IQCM: variants seen among roughly 807,000 people sequenced by gnomAD.
The protein encoded by IQCM is IQ motif containing M.
A neutral mutation model predicts 57.6 loss-of-function variants in IQCM; 45 were observed. The observed-to-expected ratio is 0.78, with a 90% CI of 0.62 to 1.00. The LOEUF (loss-of-function observed/expected upper bound fraction) is 1.00, where lower values mean the gene tolerates loss of function less well. IQCM is among the 50% of genes least tolerant of loss of function. The probability of loss-of-function intolerance (pLI) is 0.00; values close to 1 mark genes in which losing one functional copy is unlikely to be tolerated. For missense variants in IQCM, 468 were observed against 511.6 expected, an observed-to-expected ratio of 0.91 and a Z score of 0.82; for synonymous variants, 148 against 158.9, an observed-to-expected ratio of 0.93 and a Z score of 0.51.
chr4:149,427,949 G>A (rs958853131), intron 13 of IQCM, among the ~76,000 whole-genome samples: 10 of 151,704 alleles, frequency 6.6e-5, no homozygotes, highest in African/African-American at 1.9e-4. Flanking sequence ...TATTCATCTC[G>A]AGCAAGCAGA....
chr4:149,540,760 A>G (rs1032301888), intron 12 of IQCM, among the ~76,000 whole-genome samples: 10 of 152,134 alleles, frequency 6.6e-5, no homozygotes, highest in African/African-American at 2.4e-4. Context: ...TAAGATCCTT[A>G]TAAGAACTGA....
intron 13 of IQCM, among the ~76,000 whole-genome samples, chr4:149,380,021 C>G (rs1339600629): frequency 6.6e-6 from 1 of 152,146 alleles, no homozygotes; most frequent in South Asian, 2.1e-4. Flanking sequence ...GGTTTTCATT[C>G]TCTTCTCTTG....
At chr4:149,639,342 C>G (rs1757988438) in intron 7 of IQCM, among the ~76,000 whole-genome samples, 2 of 150,956 alleles carry the variant, frequency 1.3e-5, no homozygotes, top group Admixed American at 6.6e-5. Flanking sequence ...GGGAGGATTA[C>G]TTGAGCCCGG....
chr4:149,572,198 C>T (rs1435505345), intron 9 of IQCM, among the ~76,000 whole-genome samples: 2 of 152,000 alleles, frequency 1.3e-5, no homozygotes, highest in African/African-American at 4.8e-5. Context: ...GGACTGGCTT[C>T]CTTCACATTA....
intron 7 of IQCM, among the ~76,000 whole-genome samples, chr4:149,639,025 G>C (rs1757958750): frequency 6.6e-6 from 1 of 152,226 alleles, no homozygotes; most frequent in South Asian, 2.1e-4. Flanking sequence ...GGTAAATTGA[G>C]AAGGAGCCAA....
At chr4:149,510,612 C>T (rs1744306045) in intron 12 of IQCM, among the ~76,000 whole-genome samples, 2 of 152,146 alleles carry the variant, frequency 1.3e-5, no homozygotes, top group African/African-American at 4.8e-5. Context: ...ATACAGGATG[C>T]CATATTATAT....
intron 13 of IQCM, among the ~76,000 whole-genome samples, chr4:149,400,876 T>C (rs923271132): frequency 3.3e-5 from 5 of 152,046 alleles, no homozygotes; most frequent in African/African-American, 1.2e-4. Context: ...TAAAGCTGTA[T>C]AGACTAATTC....
At chr4:149,682,842 G>C (rs1762279399) in intron 6 of IQCM, among the ~76,000 whole-genome samples, 1 of 151,060 alleles carries the variant, frequency 6.6e-6, no homozygotes, top group South Asian at 2.1e-4. Context: ...TAGGGGTTCA[G>C]CAGTATACAG....
chr4:149,596,673 C>T (rs1753810093), intron 8 of IQCM, among the ~76,000 whole-genome samples: 1 of 152,052 alleles, frequency 6.6e-6, no homozygotes. Flanking sequence ...AGATAAAATT[C>T]CTAGAAGTTT....
chr4:149,644,169 T>G (rs1159414701), intron 7 of IQCM, among the ~76,000 whole-genome samples: 1 of 152,186 alleles, frequency 6.6e-6, no homozygotes, highest in Non-Finnish European at 1.5e-5. Flanking sequence ...AAATTAGGTT[T>G]TTTTAAAATC....
intron 3 of IQCM, among the ~76,000 whole-genome samples, chr4:149,741,074 GAGTT>G (rs1767412663): frequency 6.6e-6 from 1 of 152,028 alleles, no homozygotes; most frequent in African/African-American, 2.4e-5. Flanking sequence ...TTCCTAAAAA[GAGTT>G]AAAGAACCAA....
chr4:149,621,250 A>G lies in IQCM; in HGVS notation c.566-6T>C. ...CCAGTCATAGAATGCTTTGTCTGTTAGAAATATCAATGCAGGTTAAAACAA... is the reference window on the plus strand; with the variant it reads ...CCAGTCATAGAATGCTTTGTCTGTTGGAAATATCAATGCAGGTTAAAACAA... On this transcript the variant is annotated splice_region_variant and splice_polypyrimidine_tract_variant and intron_variant, in intron 7 of 13. Transcript: ENST00000636793. 8.4e-7 allele frequency: 1 copy of G among 1,195,100 alleles called. No individual in the cohort carries two copies. The highest frequency in any genetic ancestry group is 4.2e-5 in the South Asian group (1 of 23,586). The allele number at this position is 1,195,100 out of a possible 1,614,324, so 74.0% of individuals were successfully genotyped here.
At chr4:149,588,920 C>A (rs545907303) in intron 8 of IQCM, among the ~76,000 whole-genome samples, 42 of 151,996 alleles carry the variant, frequency 2.8e-4, no homozygotes, top group Non-Finnish European at 5.0e-4. Flanking sequence ...TTCAAATAAA[C>A]CTGGCATAAT....
chr4:149,752,630 T>C (rs1768564655), intron 2 of IQCM, among the ~76,000 whole-genome samples: 1 of 151,462 alleles, frequency 6.6e-6, no homozygotes, highest in Non-Finnish European at 1.5e-5. Flanking sequence ...GTACTTTTAG[T>C]CATCTTCAAG....
At chr4:149,475,988 G>A (rs1740141040) in intron 12 of IQCM, among the ~76,000 whole-genome samples, 1 of 152,170 alleles carries the variant, frequency 6.6e-6, no homozygotes, top group African/African-American at 2.4e-5. Context: ...TGCAAAAGAA[G>A]TGGCAGATGA....
intron 5 of IQCM, among the ~76,000 whole-genome samples, chr4:149,705,421 C>T (rs1462261723): frequency 6.6e-6 from 1 of 151,292 alleles, no homozygotes; most frequent in Admixed American, 6.6e-5. Context: ...AAGGCATAGA[C>T]AGCAATAGTT....
chr4:149,557,965 T>A (rs1749747928), intron 10 of IQCM, among the ~76,000 whole-genome samples: 1 of 152,236 alleles, frequency 6.6e-6, no homozygotes, highest in South Asian at 2.1e-4. Flanking sequence ...TTTCACTGCA[T>A]GAACTTACTG....
At chr4:149,588,155 GA>G (rs1340626740) in intron 8 of IQCM, among the ~76,000 whole-genome samples, 158 bp from the exon 9 acceptor site, 3 of 151,680 alleles carry the variant, frequency 2.0e-5, no homozygotes, top group Non-Finnish European at 4.4e-5. Flanking sequence ...AGTATACTCA[GA>G]GGGGTATGAC....
At chr4:149,436,554 C>CATAATTGCATTGTTAACTA (rs1735382195) in intron 12 of IQCM, among the ~76,000 whole-genome samples, 1 of 152,066 alleles carries the variant, frequency 6.6e-6, no homozygotes, top group African/African-American at 2.4e-5. Flanking sequence ...TACCTTCTTT[C>CATAATTGCATTGTTAACTA]ATAATTGCAT....
Sources: allele counts gnomAD v4.1 joint callset (sites outside exome capture counted in the v4.1 genomes callset), GRCh38; gene constraint gnomAD v4.1.1; transcripts MANE v1.5; gene names NCBI Gene and HGNC (gene_info 2026-07-23, HGNC 2026-07-21).